WDFY4: variants seen among roughly 807,000 people sequenced by gnomAD.
WDFY4 encodes the protein WD repeat- and FYVE domain-containing protein 4.
WDFY4 carries 169 observed loss-of-function variants against 351.9 expected under a neutral mutation model. That is an observed-to-expected ratio of 0.48 (90% CI 0.42 to 0.55). The LOEUF (loss-of-function observed/expected upper bound fraction) is 0.55. WDFY4 is among the 20% of genes least tolerant of loss of function. The probability of loss-of-function intolerance (pLI) is 0.00; values close to 1 mark genes in which losing one functional copy is unlikely to be tolerated. For missense variants in WDFY4, 3,803 were observed against 3,935.6 expected, an observed-to-expected ratio of 0.97 and a Z score of 0.90; for synonymous variants, 1,622 against 1,574.6, an observed-to-expected ratio of 1.03 and a Z score of -0.71.
chr10:48,729,708 G>C, intron 8 of WDFY4, 119 bp downstream of exon 8: 4 of 1,320,644 alleles, frequency 3.0e-6, no homozygotes, highest in Non-Finnish European at 3.1e-6. Flanking sequence ...CTCTGATTCT[G>C]TCACAACCTT....
intron 12 of WDFY4, among the ~76,000 whole-genome samples, chr10:48,755,991 T>C (rs2065324671): frequency 6.6e-6 from 1 of 152,076 alleles, no homozygotes; most frequent in Non-Finnish European, 1.5e-5. Context: ...TCTGACTTTG[T>C]AAAATGAATT....
At position 48,796,389 on chromosome 10, in the gene WDFY4, G is replaced by A. The variant is rs1433569885; in HGVS notation, c.4349G>A (p.Gly1450Asp). ...ILSVAGTVEL[G>D]FRSSAITNTG... ...TCAGTGGCTGGCACTGTGGAGCTGG[G>A]CTTCAGGTCATCTGCTATCACCAAC... The change falls in exon 24 of 62, where the codon GGC becomes GAC. Residue 1450 changes from glycine (G) to aspartate (D), a missense_variant. Around this residue, in one of 3 missense-constraint regions of WDFY4, gnomAD observed 3,054 missense variants for 3,148.6 expected, o/e 0.97. Coordinates refer to ENST00000325239, the MANE Select transcript of WDFY4 (RefSeq NM_001394531.1). 10 of 1,552,190 alleles carry A rather than the reference G, an allele frequency of 6.4e-6. No individual in the cohort carries two copies. The South Asian group carries it at 8.3e-5, about 13-fold the overall frequency.
chr10:48,975,019 C>T lies in WDFY4; in HGVS notation c.9086C>T (p.Ala3029Val), dbSNP rs1321753453. The T allele has an allele frequency of 2.5e-5, 39 of 1,551,616 alleles. No individual in the cohort carries two copies. The highest frequency in any genetic ancestry group is 3.4e-5 in the Non-Finnish European group (39 of 1,147,022). ...CCCGCCCATCGGGAAGGCATCTCAG[C>T]CATCACCATCAGTGACGTCTCAGTA... is the stretch of plus-strand genomic sequence containing the variant. ...RLPAHREGISAITISDVSGTI... is the reference protein window; with the variant it reads ...RLPAHREGISVITISDVSGTI... Residue 3029 changes from alanine to valine, a missense_variant, in exon 58 of 62, where the codon GCC (alanine) becomes GTC (valine). Ala to Val is a moderately conservative substitution (Grantham distance 64, BLOSUM62 0). Coordinates refer to ENST00000325239, the MANE Select transcript of WDFY4 (RefSeq NM_001394531.1).
Position 48,813,993 on chromosome 10 carries a change from A to C in WDFY4, c.5251A>C (p.Arg1751=). 1 of 1,550,326 alleles carries C rather than the reference A, an allele frequency of 6.5e-7. No individual in the cohort carries two copies. Among genetic ancestry groups the C allele is most frequent in the Non-Finnish European group, 8.7e-7 (1 of 1,146,210 alleles). ...LDAMLQWLLQ[R]HHQEEVLQAG... ...TGCCATGCTTCAGTGGCTCCTGCAG[A>C]GGCACCACCAGGAAGAAGTCCTCCA... Residue 1751 remains arginine, a synonymous_variant, in exon 31 of 62, where the codon AGG becomes CGG. Transcript: ENST00000325239.
At chr10:48,811,409 GA>G (rs1321344668) in intron 29 of WDFY4, 129 bp from the exon 30 acceptor site, 1 of 759,554 alleles carries the variant, frequency 1.3e-6, no homozygotes, top group East Asian at 2.7e-5. Flanking sequence ...ATCTATGTGT[GA>G]ATATATTTTA....
At chr10:48,808,895 G>A (rs1343802709) in intron 28 of WDFY4, among the ~76,000 whole-genome samples, 1 of 152,168 alleles carries the variant, frequency 6.6e-6, no homozygotes, top group Non-Finnish European at 1.5e-5. Flanking sequence ...AGCCCTGTAT[G>A]CCTCTCTCTA....
At chr10:48,834,009 G>A (rs1205785572) in intron 39 of WDFY4, among the ~76,000 whole-genome samples, 1 of 152,238 alleles carries the variant, frequency 6.6e-6, no homozygotes, top group Admixed American at 6.5e-5. Flanking sequence ...TCAGGGCCTA[G>A]AAAGAGTCCA....
chr10:48,982,011 C>T (rs1281987467), intron 61 of WDFY4, among the ~76,000 whole-genome samples: 1 of 152,210 alleles, frequency 6.6e-6, no homozygotes, highest in African/African-American at 2.4e-5. Context: ...GGGCCGCTGA[C>T]CTTGCAGAGC....
rs369753057 is a variant in WDFY4 at position 48,706,166 on chromosome 10, T to A, written c.-17-3550T>A. 2.0e-5 allele frequency among the ~76,000 whole-genome samples: 3 copies of A among 152,338 alleles called. No homozygotes were observed. In the East Asian group the frequency reaches 5.8e-4, roughly 29 times the overall value. ...GAGAGAGATTGAGATTTGGGTGCCATCAGCACGTAGGTTAATTCGTTCACG... is the reference window on the plus strand; with the variant it reads ...GAGAGAGATTGAGATTTGGGTGCCAACAGCACGTAGGTTAATTCGTTCACG... On this transcript the variant is annotated intron_variant, in intron 1 of 61. Coordinates refer to ENST00000325239, the MANE Select transcript of WDFY4 (RefSeq NM_001394531.1).
intron 44 of WDFY4, among the ~76,000 whole-genome samples, chr10:48,893,164 A>G (rs1589824295): frequency 6.6e-6 from 1 of 152,172 alleles, no homozygotes; most frequent in East Asian, 1.9e-4. Context: ...GCATTGATTC[A>G]GGCACCTGGT....
intron 10 of WDFY4, 44 bp from the exon 11 acceptor site, chr10:48,735,836 G>A (rs1393447846): frequency 6.7e-7 from 1 of 1,491,238 alleles, no homozygotes; most frequent in East Asian, 2.5e-5. Context: ...GAAGTGGCAA[G>A]CTTCCCCCTT....
chr10:48,792,820 C>T (rs2066727363), intron 23 of WDFY4, among the ~76,000 whole-genome samples: 1 of 152,174 alleles, frequency 6.6e-6, no homozygotes, highest in Non-Finnish European at 1.5e-5. Flanking sequence ...CTGAGCTTCT[C>T]AGAAAGCTCA....
At chr10:48,903,429 G>C (rs1428046346) in intron 47 of WDFY4, among the ~76,000 whole-genome samples, 1 of 152,224 alleles carries the variant, frequency 6.6e-6, no homozygotes, top group Non-Finnish European at 1.5e-5. Flanking sequence ...GGAAGCTATT[G>C]CTGGAGGCTG....
At chr10:48,890,289 G>A (rs1404827277) in intron 43 of WDFY4, among the ~76,000 whole-genome samples, 3 of 152,130 alleles carry the variant, frequency 2.0e-5, no homozygotes, top group Non-Finnish European at 4.4e-5. Flanking sequence ...CTTAAAGTGA[G>A]AGAAAGGACT....
intron 47 of WDFY4, among the ~76,000 whole-genome samples, chr10:48,916,153 A>G (rs538606706): frequency 1.4e-4 from 22 of 152,304 alleles, no homozygotes; most frequent in Non-Finnish European, 2.1e-4. Flanking sequence ...CTCAAAGTAA[A>G]GACCAATCTG....
At chr10:48,775,663 T>C (rs921991456) in intron 14 of WDFY4, 49 bp from the exon 15 acceptor site, 70 of 1,508,342 alleles carry the variant, frequency 4.6e-5, no homozygotes, top group Non-Finnish European at 5.8e-5. Flanking sequence ...TGGAGAACAC[T>C]GTTGCTAGTA....
chr10:48,695,713 A>G (rs2063313756), intron 1 of WDFY4, among the ~76,000 whole-genome samples: 1 of 152,106 alleles, frequency 6.6e-6, no homozygotes, highest in South Asian at 2.1e-4. Context: ...ACCTTTCCAC[A>G]GGGACTGGGG....
chr10:48,963,478 T>C (rs1841950376), intron 53 of WDFY4, among the ~76,000 whole-genome samples: 1 of 152,190 alleles, frequency 6.6e-6, no homozygotes, highest in Admixed American at 6.5e-5. Flanking sequence ...TCTCCTTGTT[T>C]CATATGTCAC....
chr10:48,906,990 T>C (rs1273440053), intron 47 of WDFY4, among the ~76,000 whole-genome samples: 1 of 152,192 alleles, frequency 6.6e-6, no homozygotes, highest in African/African-American at 2.4e-5. Flanking sequence ...GAATATCAAA[T>C]TTGGTTCTTC....
Sources: gnomAD v4.1 joint callset for allele counts (sites outside exome capture counted in the v4.1 genomes callset) on GRCh38, gnomAD v4.1.1 for gene constraint, gnomAD v4.1.1 regional missense constraint, MANE v1.5 for transcripts, NCBI Gene and HGNC (gene_info 2026-07-23, HGNC 2026-07-21) for gene names.